The following ABHD12 variants were observed in gnomAD, a reference collection of about 807,000 sequenced individuals.
ABHD12 encodes abhydrolase domain containing 12, lysophospholipase, also known as lysophosphatidylserine lipase ABHD12.
In ABHD12, 43 loss-of-function variants were observed where a neutral mutation model predicts 58.3. That is an observed-to-expected ratio of 0.74 (90% CI 0.58 to 0.95). The LOEUF (loss-of-function observed/expected upper bound fraction) is 0.95, where lower values mean the gene tolerates loss of function less well. Among genes scored for constraint, ABHD12 ranks in the 40% least tolerant of loss-of-function variants. The pLI is 0.00. For synonymous variants in ABHD12, 219 were observed against 211.2 expected (o/e 1.04, Z -0.32); for missense variants, 539 against 537.2 (o/e 1.00, Z -0.03).
chr20:25,338,153 A>C (rs757179734), intron 2 of ABHD12, among the ~76,000 whole-genome samples: 1 of 152,130 alleles, frequency 6.6e-6, no homozygotes, highest in Non-Finnish European at 1.5e-5. Context: ...TCATAAGCCC[A>C]GATGCCTGCA....
At position 25,390,636 on chromosome 20, in the gene ABHD12, G is replaced by C. The variant is rs1348889813; in HGVS notation, c.68C>G (p.Ser23Cys). The change falls in exon 1 of 13, where the codon TCC (serine) becomes TGC (cysteine). Residue 23 changes from serine to cysteine, a missense_variant. Transcript: ENST00000339157. ...GTCCAGCGCCGCGGCGGCCGAGCCGGAGGAGGACGAGCCCGCGGCGGCGCA... is the reference window on the plus strand; with the variant it reads ...GTCCAGCGCCGCGGCGGCCGAGCCGCAGGAGGACGAGCCCGCGGCGGCGCA... ...ERCAAAGSSSSGSAAAALDAD... is the reference protein window; with the variant it reads ...ERCAAAGSSSCGSAAAALDAD... The C allele has an allele frequency of 2.8e-6, 4 of 1,453,080 alleles. No homozygotes were observed. The highest frequency in any genetic ancestry group is 1.8e-6 in the Non-Finnish European group (2 of 1,107,594). 90.0% of individuals were successfully genotyped at this position (1,453,080 alleles called of 1,614,324 possible).
chr20:25,302,350 G>T lies in ABHD12; in HGVS notation c.1030-4C>A, dbSNP rs1278441672. 3 of 1,613,020 alleles carry T rather than the reference G, an allele frequency of 1.9e-6. No individual in the cohort carries two copies. The highest frequency in any genetic ancestry group is 2.2e-5 in the South Asian group (2 of 91,030). On this transcript the variant is annotated splice_region_variant and splice_polypyrimidine_tract_variant and intron_variant, in intron 11 of 12. Coordinates refer to ENST00000339157, the MANE Select transcript of ABHD12 (RefSeq NM_001042472.3). The stretch of plus-strand genomic sequence containing the variant: ...CTGGTGCGGCGATGCTATAGAGCTG[G>T]GGAGAGAGGGGTCAGAGCCTGAGGC...
chr20:25,319,413 G>A (rs1487973729), intron 4 of ABHD12, among the ~76,000 whole-genome samples: 1 of 152,208 alleles, frequency 6.6e-6, no homozygotes, highest in Non-Finnish European at 1.5e-5. Flanking sequence ...CCGTTAGGGT[G>A]AGCAGAGAGC....
At chr20:25,330,196 G>C (rs2089246471) in intron 2 of ABHD12, among the ~76,000 whole-genome samples, 2 of 152,260 alleles carry the variant, frequency 1.3e-5, no homozygotes, top group South Asian at 4.1e-4. Context: ...CAAAGAAAGT[G>C]GTGACAGACG....
downstream of ABHD12, chr20:25,295,631 C>G: frequency 6.2e-7 from 1 of 1,614,106 alleles, no homozygotes; most frequent in African/African-American, 1.3e-5. Context: ...ACTATGAAGC[C>G]TACATGCAGT....
intron 5 of ABHD12, 38 bp downstream of exon 5, chr20:25,317,010 C>A (rs1347357888): frequency 1.2e-6 from 2 of 1,605,116 alleles, no homozygotes; most frequent in African/African-American, 2.7e-5. Flanking sequence ...CTGGAAAGAA[C>A]AGCCCAGGGA....
At chr20:25,336,506 T>C (rs1316047863) in intron 2 of ABHD12, among the ~76,000 whole-genome samples, 1 of 152,234 alleles carries the variant, frequency 6.6e-6, no homozygotes, top group Non-Finnish European at 1.5e-5. Flanking sequence ...AAGAGATTGC[T>C]ACTTTTCCTG....
At chr20:25,304,331 T>C (rs138372812) in intron 10 of ABHD12, among the ~76,000 whole-genome samples, 51 of 152,388 alleles carry the variant, frequency 3.3e-4, no homozygotes, top group South Asian at 1.9e-3. Flanking sequence ...GCTTGTCTGA[T>C]GTGCGAGTCC....
At chr20:25,316,395 G>A (rs931729973) in intron 5 of ABHD12, among the ~76,000 whole-genome samples, 7 of 152,070 alleles carry the variant, frequency 4.6e-5, no homozygotes, top group Non-Finnish European at 1.0e-4. Context: ...TCCTGACCTT[G>A]TGATCCACCC....
At chr20:25,299,925 G>C (rs79723059), downstream of ABHD12, among the ~76,000 whole-genome samples, 1 of 152,082 alleles carries the variant, frequency 6.6e-6, no homozygotes, top group Admixed American at 6.5e-5. Context: ...TCTGAGAACC[G>C]CTATAGGTAG....
At chr20:25,359,734 G>A (rs1218478320) in intron 1 of ABHD12, among the ~76,000 whole-genome samples, 4 of 151,824 alleles carry the variant, frequency 2.6e-5, no homozygotes, top group East Asian at 3.9e-4. Context: ...CATGCCTGCT[G>A]AGTTTTTTTA....
chr20:25,294,981 G>C (rs2500429), exon 13 of ABHD12: 1 of 1,614,046 alleles, frequency 6.2e-7, no homozygotes, highest in African/African-American at 1.3e-5. Flanking sequence ...AGTCACACCA[G>C]CTCTGACCAC....
chr20:25,351,939 C>T lies in ABHD12; in HGVS notation c.192-12588G>A, dbSNP rs143669715. On this transcript the variant is annotated intron_variant, in intron 1 of 12. Coordinates refer to ENST00000339157, the MANE Select transcript of ABHD12 (RefSeq NM_001042472.3). ...CAAAACAAAACAAAAAAACTACACACTGTATCTAACATGGTGCTAGGCACA... is the reference window on the plus strand; with the variant it reads ...CAAAACAAAACAAAAAAACTACACATTGTATCTAACATGGTGCTAGGCACA... 4.0e-3 allele frequency among the ~76,000 whole-genome samples: 613 copies of T among 152,286 alleles called. 4 individuals carry two copies. The highest frequency in any genetic ancestry group is 0.014 in the African/African-American group (579 of 41,568).
At chr20:25,295,901 G>A (rs780462212), downstream of ABHD12, among the ~76,000 whole-genome samples, 11 of 152,210 alleles carry the variant, frequency 7.2e-5, no homozygotes, top group East Asian at 5.8e-4. Context: ...AGGAATGTGC[G>A]GCCTGGAAAC....
chr20:25,382,740 C>T (rs954447351), intron 1 of ABHD12, among the ~76,000 whole-genome samples: 2 of 152,112 alleles, frequency 1.3e-5, no homozygotes, highest in African/African-American at 4.8e-5. Context: ...GCCAAAGTCA[C>T]CATAGAAGGC....
intron 1 of ABHD12, among the ~76,000 whole-genome samples, chr20:25,375,753 G>T (rs779451376): frequency 6.6e-6 from 1 of 151,744 alleles, no homozygotes; most frequent in African/African-American, 2.4e-5. Context: ...TTTTTGTTGT[G>T]GCTGCTATTT....
intron 1 of ABHD12, among the ~76,000 whole-genome samples, chr20:25,383,428 G>A (rs1327689579): frequency 6.6e-6 from 1 of 152,180 alleles, no homozygotes; most frequent in Non-Finnish European, 1.5e-5. Flanking sequence ...CACACAGACC[G>A]TGTACATCTC....
At chr20:25,343,413 C>T (rs1401428937) in intron 1 of ABHD12, among the ~76,000 whole-genome samples, 1 of 152,134 alleles carries the variant, frequency 6.6e-6, no homozygotes, top group Non-Finnish European at 1.5e-5. Context: ...TAAGCTGAGC[C>T]TAGTGGTATG....
At chr20:25,377,550 AT>A (rs1364483839) in intron 1 of ABHD12, among the ~76,000 whole-genome samples, 2 of 152,102 alleles carry the variant, frequency 1.3e-5, no homozygotes, top group African/African-American at 4.8e-5. Flanking sequence ...ATCAGAGGAG[AT>A]GGCCACACTG....
Sources: allele counts gnomAD v4.1 joint callset (sites outside exome capture counted in the v4.1 genomes callset), GRCh38; gene constraint gnomAD v4.1.1; transcripts MANE v1.5; gene names NCBI Gene and HGNC (gene_info 2026-07-23, HGNC 2026-07-21).